LAMA5: variants seen among roughly 807,000 people sequenced by gnomAD.
LAMA5 encodes the protein laminin subunit alpha-5.
Under a neutral mutation model 433.4 loss-of-function variants are expected in LAMA5, and 260 were observed. That is an observed-to-expected ratio of 0.60 (90% CI 0.54 to 0.66). The LOEUF (loss-of-function observed/expected upper bound fraction) is 0.66. LAMA5 is among the 30% of genes least tolerant of loss of function. LAMA5 has a pLI of 0.00. For missense variants in LAMA5, 5,378 were observed against 5,258.5 expected (o/e 1.02, Z -0.70); for synonymous variants, 2,620 against 2,226.6 (o/e 1.18, Z -4.97).
Position 62,320,782 on chromosome 20 carries a change from C to T in LAMA5, c.6605G>A (p.Trp2202Ter). 1.2e-6 allele frequency: 2 copies of T among 1,612,680 alleles called. No homozygotes were observed. Among genetic ancestry groups the T allele is most frequent in the Non-Finnish European group, 1.7e-6 (2 of 1,179,922 alleles). The change falls in exon 49 of 80, where the codon TGG becomes TAG. Residue 2202 changes from tryptophan (W) to a stop codon, truncating the protein, a stop_gained. Transcript: ENST00000252999. LOFTEE classifies it high-confidence loss of function. ...GGCGTTCAGCCTGTGCAGACGGGCC[C>T]AGGCCATGGAGCTGGCATTGATGCC... ...LRGINASSMA[W>*]ARLHRLNASI...
At chr20:62,317,091 C>T in intron 55 of LAMA5, 68 bp from the exon 56 acceptor site, 2 of 1,464,016 alleles carry the variant, frequency 1.4e-6, no homozygotes, top group Non-Finnish European at 1.8e-6. Context: ...CTCCAGCCTC[C>T]TGCGCTCACA....
intron 11 of LAMA5, among the ~76,000 whole-genome samples, chr20:62,344,288 G>T (rs1983033428): frequency 1.3e-5 from 2 of 151,424 alleles, no homozygotes; most frequent in Non-Finnish European, 2.9e-5. Context: ...TCAAGCAAAA[G>T]ACGCATCCCA....
rs3065756 is a variant in LAMA5, at chr20:62,329,365, GCAGCCCAGCC to G, written c.4120-122_4120-113del. 58 of 646,830 alleles carry G rather than the reference GCAGCCCAGCC, an allele frequency of 9.0e-5. 1 individual carries two copies. Among genetic ancestry groups the G allele is most frequent in the Non-Finnish European group, 1.1e-4 (41 of 373,572 alleles). 40.1% of individuals were successfully genotyped at this position (646,830 alleles called of 1,614,324 possible). On this transcript the variant is annotated intron_variant, in intron 32 of 79. Coordinates refer to ENST00000252999, the MANE Select transcript of LAMA5 (RefSeq NM_005560.6). Reference sequence around the variant, plus strand: ...CAGGCAGCTCAGAGTCCTGGCAGCAGCAGCCCAGCCCAGCCCAGCCCAGCCCTGGGCCCTG... The same window carrying G: ...CAGGCAGCTCAGAGTCCTGGCAGCAGCAGCCCAGCCCAGCCCTGGGCCCTG...
At chr20:62,312,862 C>A in intron 66 of LAMA5, 26 bp downstream of exon 66, 1 of 1,599,652 alleles carries the variant, frequency 6.3e-7, no homozygotes, top group Non-Finnish European at 8.5e-7. Context: ...CTCTCCCTGC[C>A]ACCCTGGTCC....
In LAMA5 at chr20:62,310,291, G is replaced by C; in HGVS notation, c.10621C>G (p.Pro3541Ala). The change falls in exon 77 of 80, where the codon CCT becomes GCT. Residue 3541 changes from proline (P) to alanine (A), a missense_variant. Pro to Ala is a conservative substitution (Grantham distance 27). Coordinates refer to ENST00000252999, the MANE Select transcript of LAMA5 (RefSeq NM_005560.6). The part of the protein sequence containing the change: ...ITLDLPGATL[P>A]DVGLELEVRP... ...ACCTCCAGTTCCAGGCCCACATCAG[G>C]CAGTGTAGCTCCTGGGAGGTCTGCG... is the stretch of plus-strand genomic sequence containing the variant. The C allele has an allele frequency of 6.2e-7, 1 of 1,609,668 alleles. No homozygotes were observed. The highest frequency in any genetic ancestry group is 8.5e-7 in the Non-Finnish European group (1 of 1,178,030).
In LAMA5 at chr20:62,312,977, T is replaced by C. The variant is rs1423264080; in HGVS notation, c.8989A>G (p.Ser2997Gly). Residue 2997 changes from serine (S) to glycine (G), a missense_variant, in exon 66 of 80, where the codon AGC becomes GGC. Coordinates refer to ENST00000252999, the MANE Select transcript of LAMA5 (RefSeq NM_005560.6). ...QFLCLAVQEG[S>G]LVLLYDFGAG... is the part of the protein sequence containing the mutation. ...CCAAAGTCATACAACAGCACGAGGC[T>C]GCCTTCTTGCACGGCCAAGCACAGG... 5 of 1,581,618 alleles carry C rather than the reference T, an allele frequency of 3.2e-6. No individual in the cohort carries two copies. The highest frequency in any genetic ancestry group is 2.2e-5 in the East Asian group (1 of 44,498).
At position 62,309,157 on chromosome 20, in the gene LAMA5, A is replaced by G. The variant is rs552131231; in HGVS notation, c.*179T>C. On this transcript the variant is annotated 3_prime_UTR_variant, in exon 80 of 80. Transcript: ENST00000252999. ...TTAAAAATGGGTGGAAGGGCCAAATATAAAAACATTTTGCAGTATTTTATT... is the reference window on the plus strand; with the variant it reads ...TTAAAAATGGGTGGAAGGGCCAAATGTAAAAACATTTTGCAGTATTTTATT... 206 of 679,114 alleles carry G rather than the reference A, an allele frequency of 3.0e-4. 2 individuals carry two copies. In the South Asian group the frequency reaches 4.8e-3, roughly 16 times the overall value. The allele number at this position is 679,114 out of a possible 1,614,324, so 42.1% of individuals were successfully genotyped here.
At chr20:62,322,602 C>T (rs1184851043) in intron 46 of LAMA5, 56 bp downstream of exon 46, 22 of 1,456,570 alleles carry the variant, frequency 1.5e-5, no homozygotes, top group Non-Finnish European at 1.9e-5. Context: ...CTCCCCAGGC[C>T]CCAACTCTAG....
chr20:62,310,856 G>A, intron 74 of LAMA5, 27 bp from the exon 75 acceptor site: 2 of 1,597,164 alleles, frequency 1.3e-6, no homozygotes, highest in Non-Finnish European at 8.5e-7. Context: ...GGTCAGGGTA[G>A]GGCTGCCAGG....
chr20:62,365,039 A>T (rs1249169630), intron 1 of LAMA5, among the ~76,000 whole-genome samples: 1 of 152,274 alleles, frequency 6.6e-6, no homozygotes, highest in Admixed American at 6.5e-5. Flanking sequence ...CGGCTCTCAG[A>T]TGAAGGAGGC....
intron 6 of LAMA5, among the ~76,000 whole-genome samples, chr20:62,350,290 G>A (rs893538870): frequency 2.0e-5 from 3 of 152,088 alleles, no homozygotes; most frequent in African/African-American, 7.2e-5. Flanking sequence ...AGTTAGCTCT[G>A]CTGGAGCTCA....
chr20:62,366,114 G>A (rs956175720), intron 1 of LAMA5, among the ~76,000 whole-genome samples: 2 of 152,218 alleles, frequency 1.3e-5, no homozygotes, highest in African/African-American at 2.4e-5. Flanking sequence ...GGGCTGAGGT[G>A]GGGAATGGGC....
In LAMA5 at chr20:62,330,629, C is replaced by A; in HGVS notation, c.3853-15G>T. On this transcript the variant is annotated splice_polypyrimidine_tract_variant and intron_variant, in intron 30 of 79. Coordinates refer to ENST00000252999, the MANE Select transcript of LAMA5 (RefSeq NM_005560.6). ...ACCACGGTGGCCTGCAGGGATAGGCCCTAGTGAGCAGGCTGAGCTATGAGC... is the reference window on the plus strand; with the variant it reads ...ACCACGGTGGCCTGCAGGGATAGGCACTAGTGAGCAGGCTGAGCTATGAGC... The A allele has an allele frequency of 6.3e-7, 1 of 1,584,692 alleles. No homozygotes were observed.
chr20:62,328,735 C>T, intron 34 of LAMA5, 109 bp downstream of exon 34: 2 of 1,143,744 alleles, frequency 1.7e-6, no homozygotes, highest in Non-Finnish European at 2.5e-6. Context: ...CAATGCTGCC[C>T]TGCCAGGCTC....
chr20:62,348,525 C>T (rs867635645), intron 6 of LAMA5, among the ~76,000 whole-genome samples: 13 of 151,860 alleles, frequency 8.6e-5, no homozygotes, highest in South Asian at 2.1e-4. Context: ...GAGAATGGCA[C>T]GAACCTGGGA....
rs146912525 is a variant in LAMA5, at chr20:62,338,289, C to T, written c.1699G>A (p.Glu567Lys). The change falls in exon 13 of 80, where the codon GAG becomes AAG. Residue 567 changes from glutamate (E) to lysine (K), a missense_variant. Glu to Lys is a moderately conservative substitution (Grantham distance 56). Coordinates refer to ENST00000252999, the MANE Select transcript of LAMA5 (RefSeq NM_005560.6). ...GCACAGCGATCACATGTGGCCCCCTCGAAGCCCACTCGGCACCTGCACTGG... is the reference window on the plus strand; with the variant it reads ...GCACAGCGATCACATGTGGCCCCCTTGAAGCCCACTCGGCACCTGCACTGG... Reference protein sequence around the residue: ...TGQCRCRVGFEGATCDRCAPG... With the variant: ...TGQCRCRVGFKGATCDRCAPG... The T allele has an allele frequency of 6.2e-5, 100 of 1,602,796 alleles. No homozygotes were observed. The African/African-American group carries it at 6.3e-4, about 10-fold the overall frequency.
rs555593081 is a variant in LAMA5 at position 62,328,902 on chromosome 20, G to A, written c.4389C>T (p.Val1463=). 17 of 1,611,896 alleles carry A rather than the reference G, an allele frequency of 1.1e-5. No individual in the cohort carries two copies. In the South Asian group the frequency reaches 1.2e-4, roughly 11 times the overall value. Residue 1463 remains valine, a synonymous_variant, in exon 34 of 80, where the codon GTC becomes GTT. Transcript: ENST00000252999. The stretch of plus-strand genomic sequence containing the variant: ...CACAGCGGGAGCAGTCACGGCCAAT[G>A]ACATGGGCATGGCAGGGACACTGGC... The part of the protein sequence containing the change: ...FGGQCPCHAH[V]IGRDCSRCAT...
At position 62,318,656 on chromosome 20, in the gene LAMA5, C is replaced by G. The variant is rs759846656; in HGVS notation, c.7043-6G>C. On this transcript the variant is annotated splice_region_variant and splice_polypyrimidine_tract_variant and intron_variant, in intron 52 of 79. Coordinates refer to ENST00000252999, the MANE Select transcript of LAMA5 (RefSeq NM_005560.6). ...CTCCTGCACCCGGGCCAGCACTAGC[C>G]GAGACCAGGGTGAGGGTGGTCACTC... The G allele has an allele frequency of 6.2e-7, 1 of 1,609,094 alleles. No homozygotes were observed.
intron 16 of LAMA5, 26 bp downstream of exon 16, chr20:62,337,564 G>A (rs1981874217): frequency 8.9e-6 from 14 of 1,578,818 alleles, no homozygotes; most frequent in Non-Finnish European, 1.2e-5. Context: ...CCGGCACCTG[G>A]TGCACACAGC....
Sources: gnomAD v4.1 joint callset for allele counts (sites outside exome capture counted in the v4.1 genomes callset) on GRCh38, gnomAD v4.1.1 for gene constraint, MANE v1.5 for transcripts, NCBI Gene and HGNC (gene_info 2026-07-23, HGNC 2026-07-21) for gene names.